SCARB2: variants seen among roughly 807,000 people sequenced by gnomAD.
SCARB2 encodes the protein lysosome membrane protein 2.
In SCARB2, 29 loss-of-function variants were observed where a neutral mutation model predicts 58.6. The observed-to-expected ratio is 0.49, with a 90% CI of 0.37 to 0.67. The LOEUF is 0.67. SCARB2 is among the 30% of genes least tolerant of loss of function. SCARB2 has a pLI of 0.00. For synonymous variants in SCARB2, 195 were observed against 210.1 expected (o/e 0.93, Z 0.62); for missense variants, 488 against 578.5 (o/e 0.84, Z 1.60).
At chr4:76,174,079 TTTG>T (rs1732192829) in intron 7 of SCARB2, 62 bp downstream of exon 7, 1 of 1,595,832 alleles carries the variant, frequency 6.3e-7, no homozygotes. Context: ...CTACATATTC[TTTG>T]TTGAACTCCA....
chr4:76,177,352 AAG>A (rs1732271315), intron 4 of SCARB2, among the ~76,000 whole-genome samples: 1 of 152,048 alleles, frequency 6.6e-6, no homozygotes. Flanking sequence ...AAAAAAAAAA[AAG>A]AAAAATAGTA....
chr4:76,232,360 C>G (rs1313131687), intron 1 of SCARB2, among the ~76,000 whole-genome samples: 1 of 151,974 alleles, frequency 6.6e-6, no homozygotes, highest in African/African-American at 2.4e-5. Flanking sequence ...CCAAAGTTAT[C>G]AGAAGCCTGT....
At chr4:76,170,945 A>AATATATAT (rs35595759) in intron 7 of SCARB2, among the ~76,000 whole-genome samples, 1 of 136,586 alleles carries the variant, frequency 7.3e-6, no homozygotes, top group African/African-American at 2.5e-5. Flanking sequence ...TGTAAATTTA[A>AATATATAT]ATATATATAT....
Position 76,213,506 on chromosome 4 carries a change from G to A in SCARB2, c.38C>T (p.Ser13Phe), listed in dbSNP as rs144791636. 37 of 1,610,790 alleles carry A rather than the reference G, an allele frequency of 2.3e-5. No homozygotes were observed. In the African/African-American group the frequency reaches 3.3e-4, roughly 15 times the overall value. ...RCCFYTAGTLSLLLLVTSVTL... is the reference protein window; with the variant it reads ...RCCFYTAGTLFLLLLVTSVTL... ...GACGCTGGTCACCAGCAGGAGCAGG[G>A]ACAACGTCCCCGCCGTGTAGAAGCA... Residue 13 changes from serine (S) to phenylalanine (F), a missense_variant, in exon 1 of 12, where the codon TCC becomes TTC. Coordinates refer to ENST00000264896, the MANE Select transcript of SCARB2 (RefSeq NM_005506.4).
upstream of SCARB2, chr4:76,217,605 C>G (rs1438950369): frequency 1.2e-5 from 7 of 575,688 alleles, no homozygotes; most frequent in Non-Finnish European, 1.9e-5. Context: ...AGGCCCTCAT[C>G]CAATGCAGAT....
intron 11 of SCARB2, chr4:76,162,469 A>G (rs1274123646): frequency 6.5e-6 from 1 of 153,122 alleles, no homozygotes; most frequent in African/African-American, 2.4e-5. Flanking sequence ...GAAAAGGCTC[A>G]TTGCAGGTAT....
intron 1 of SCARB2, among the ~76,000 whole-genome samples, chr4:76,232,843 G>A (rs1461072817): frequency 2.6e-5 from 4 of 152,110 alleles, no homozygotes; most frequent in Non-Finnish European, 5.9e-5. Flanking sequence ...TTATGAAATA[G>A]TGTTCCAGAT....
intron 1 of SCARB2, among the ~76,000 whole-genome samples, chr4:76,223,626 G>A (rs956942576): frequency 6.6e-6 from 1 of 152,172 alleles, no homozygotes; most frequent in African/African-American, 2.4e-5. Context: ...TCAGGCCCTG[G>A]TCTGGGCCAA....
intron 2 of SCARB2, chr4:76,193,971 C>G (rs2109959469): frequency 6.6e-6 from 1 of 152,292 alleles, no homozygotes; most frequent in South Asian, 2.1e-4. Context: ...GAGGTAGGGC[C>G]AGGTGGGAGC....
At chr4:76,189,863 C>A (rs200248714) in intron 2 of SCARB2, among the ~76,000 whole-genome samples, 2 of 152,068 alleles carry the variant, frequency 1.3e-5, no homozygotes, top group African/African-American at 2.4e-5. Context: ...TAGCTGCCCC[C>A]GTGATTAAAT....
intron 1 of SCARB2, among the ~76,000 whole-genome samples, chr4:76,220,718 T>G (rs1427073024): frequency 6.6e-6 from 1 of 152,240 alleles, no homozygotes; most frequent in African/African-American, 2.4e-5. Flanking sequence ...TAATGGTCCC[T>G]CTTAGAATAT....
At chr4:76,216,565 C>T (rs1337108024), upstream of SCARB2, among the ~76,000 whole-genome samples, 2 of 152,144 alleles carry the variant, frequency 1.3e-5, no homozygotes, top group Non-Finnish European at 1.5e-5. Flanking sequence ...AGGACAGTAA[C>T]AGACTGTGGG....
At chr4:76,210,531 C>T (rs1393490394) in intron 1 of SCARB2, among the ~76,000 whole-genome samples, 3 of 152,204 alleles carry the variant, frequency 2.0e-5, no homozygotes, top group African/African-American at 7.2e-5. Flanking sequence ...CTGCAAAGCT[C>T]TCTCTTCATG....
chr4:76,213,635 G>C lies in SCARB2; in HGVS notation c.-92C>G, dbSNP rs1335875358. 7 of 977,156 alleles carry C rather than the reference G, an allele frequency of 7.2e-6. 1 individual carries two copies. The highest frequency in any genetic ancestry group is 2.8e-5 in the South Asian group (2 of 72,384). The allele number at this position is 977,156 out of a possible 1,614,324, so 60.5% of individuals were successfully genotyped here. On this transcript the variant is annotated 5_prime_UTR_variant, in exon 1 of 12. Transcript: ENST00000264896. The stretch of plus-strand genomic sequence containing the variant: ...GCCGCCGCAGAGGCGTCGAAGACCC[G>C]GGACCCTTCGGCGCCACGCCCACGC...
Position 76,188,498 on chromosome 4 carries a change from C to T in SCARB2, c.275+7209G>A, listed in dbSNP as rs914218494. Among the ~76,000 whole-genome samples, 6 of 122,038 alleles carry T rather than the reference C, an allele frequency of 4.9e-5. No homozygotes were observed. The Middle Eastern group carries it at 0.012, about 246-fold the overall frequency. 80.1% of individuals were successfully genotyped at this position (122,038 alleles called of 152,430 possible). On this transcript the variant is annotated intron_variant, in intron 2 of 11. Coordinates refer to ENST00000264896, the MANE Select transcript of SCARB2 (RefSeq NM_005506.4). ...AATCCTGTGTCAGATGAGTTAGGCC[C>T]TCCACAGTCTTGCTTGGCCCTTCCC...
intron 1 of SCARB2, chr4:76,213,044 C>A: frequency 3.5e-6 from 1 of 282,890 alleles, no homozygotes; most frequent in Non-Finnish European, 7.1e-6. Flanking sequence ...AAGCAGACAA[C>A]ATAACCTGCC....
chr4:76,167,679 C>G (rs1242349389), intron 9 of SCARB2, among the ~76,000 whole-genome samples: 6 of 123,724 alleles, frequency 4.8e-5, no homozygotes, highest in Non-Finnish European at 9.8e-5. Flanking sequence ...CCCTCCCCCC[C>G]CCCGCTTTTT....
chr4:76,160,938 A>G lies in SCARB2; in HGVS notation c.*775T>C, dbSNP rs900116934. 1 of 152,198 alleles carries G rather than the reference A, an allele frequency of 6.6e-6. No individual in the cohort carries two copies. Among genetic ancestry groups the G allele is most frequent in the Admixed American group, 6.5e-5 (1 of 15,276 alleles). The allele number at this position is 152,198 out of a possible 1,614,324, so 9.4% of individuals were successfully genotyped here. ...AAAAAAAAAACAGTTAACTATCCAC[A>G]AGCATCATAACTAGCAATTAATTCT... On this transcript the variant is annotated 3_prime_UTR_variant, in exon 12 of 12. Coordinates refer to ENST00000264896, the MANE Select transcript of SCARB2 (RefSeq NM_005506.4).
Position 76,179,660 on chromosome 4 carries a change from C to T in SCARB2, c.469G>A (p.Glu157Lys), listed in dbSNP as rs760128942. The T allele has an allele frequency of 1.3e-5, 21 of 1,614,000 alleles. No homozygotes were observed. The highest frequency in any genetic ancestry group is 2.7e-5 in the African/African-American group (2 of 74,930). Residue 157 changes from glutamate to lysine, a missense_variant, in exon 4 of 12, where the codon GAG (glutamate) becomes AAG (lysine). Coordinates refer to ENST00000264896, the MANE Select transcript of SCARB2 (RefSeq NM_005506.4). ...TGCTGATAGGCTTTCAACATGGCCT[C>T]GATGATCTCCCTGAGGAAGTGCACC... ...SQVHFLREII[E>K]AMLKAYQQKL...
Sources: allele counts gnomAD v4.1 joint callset (sites outside exome capture counted in the v4.1 genomes callset), GRCh38; gene constraint gnomAD v4.1.1; transcripts MANE v1.5; gene names NCBI Gene and HGNC (gene_info 2026-07-23, HGNC 2026-07-21).